COL28A1: variants seen among roughly 807,000 people sequenced by gnomAD.
COL28A1 encodes collagen type XXVIII alpha 1 chain.
In COL28A1, 161 loss-of-function variants were observed where a neutral mutation model predicts 150.2. The observed-to-expected ratio is 1.07, with a 90% CI of 0.94 to 1.22. The LOEUF (loss-of-function observed/expected upper bound fraction) is 1.22. Among genes scored for constraint, COL28A1 ranks in the 50% most tolerant of loss-of-function variants. The probability of loss-of-function intolerance (pLI) is 0.00; values close to 1 mark genes in which losing one functional copy is unlikely to be tolerated. For synonymous variants in COL28A1, 552 were observed against 469.7 expected (o/e 1.18, Z -2.26); for missense variants, 1,617 against 1,388.3 (o/e 1.16, Z -2.62).
At chr7:7,423,276 G>A (rs1784476675) in intron 25 of COL28A1, among the ~76,000 whole-genome samples, 2 of 152,162 alleles carry the variant, frequency 1.3e-5, no homozygotes, top group Non-Finnish European at 2.9e-5. Flanking sequence ...TTAAGGAAGT[G>A]TGATATGTAA....
At chr7:7,439,776 C>T (rs998917681) in intron 21 of COL28A1, among the ~76,000 whole-genome samples, 1 of 152,174 alleles carries the variant, frequency 6.6e-6, no homozygotes, top group Non-Finnish European at 1.5e-5. Context: ...ACTTGAGAAG[C>T]ACAGATTCCT....
chr7:7,374,024 T>TAA (rs1188442971), intron 31 of COL28A1, among the ~76,000 whole-genome samples: 103 of 116,322 alleles, frequency 8.9e-4, no homozygotes, highest in East Asian at 9.0e-4. Flanking sequence ...ACTTGACTCT[T>TAA]AAAAAAAAAA....
intron 23 of COL28A1, among the ~76,000 whole-genome samples, chr7:7,433,877 TG>T (rs1785160004): frequency 6.6e-6 from 1 of 152,182 alleles, no homozygotes; most frequent in Non-Finnish European, 1.5e-5. Context: ...ACCTTTGTTT[TG>T]CAAGAATGGA....
intron 15 of COL28A1, among the ~76,000 whole-genome samples, chr7:7,461,139 C>G (rs561826815): frequency 6.6e-6 from 1 of 152,288 alleles, no homozygotes; most frequent in South Asian, 2.1e-4. Flanking sequence ...ACACATACCC[C>G]CACTGGGGAA....
intron 13 of COL28A1, among the ~76,000 whole-genome samples, chr7:7,484,743 A>G (rs925793644): frequency 6.6e-6 from 1 of 152,208 alleles, no homozygotes; most frequent in African/African-American, 2.4e-5. Flanking sequence ...ATGCCCATCA[A>G]TAGTAGACTG....
chr7:7,421,264 C>T (rs2128308686), intron 25 of COL28A1, among the ~76,000 whole-genome samples: 1 of 152,122 alleles, frequency 6.6e-6, no homozygotes, highest in South Asian at 2.1e-4. Flanking sequence ...TCTATAGAAA[C>T]AAAAAGTAGA....
intron 1 of COL28A1, among the ~76,000 whole-genome samples, 198 bp downstream of exon 1, chr7:7,535,552 T>C (rs1035989853): frequency 2.6e-5 from 4 of 151,924 alleles, no homozygotes; most frequent in Non-Finnish European, 5.9e-5. Flanking sequence ...CATTTCAAAA[T>C]AATTTTAAGT....
At chr7:7,434,846 T>G (rs1176830440) in intron 23 of COL28A1, among the ~76,000 whole-genome samples, 1 of 152,200 alleles carries the variant, frequency 6.6e-6, no homozygotes, top group African/African-American at 2.4e-5. Flanking sequence ...GTTATTTACT[T>G]CAAAGTGTTT....
chr7:7,428,857 T>A (rs1021405626), intron 25 of COL28A1, among the ~76,000 whole-genome samples: 7 of 152,232 alleles, frequency 4.6e-5, no homozygotes, highest in African/African-American at 1.7e-4. Flanking sequence ...CTTGCCGAAT[T>A]TGAATTAAAT....
intron 34 of COL28A1, 22 bp downstream of exon 34, chr7:7,360,368 C>G: frequency 6.6e-7 from 1 of 1,526,330 alleles, no homozygotes; most frequent in Non-Finnish European, 8.7e-7. Flanking sequence ...CAAAATGGGA[C>G]TTGGAGTTCT....
chr7:7,429,187 T>C (rs1014127703), intron 25 of COL28A1, among the ~76,000 whole-genome samples: 3 of 152,112 alleles, frequency 2.0e-5, no homozygotes, highest in African/African-American at 7.2e-5. Flanking sequence ...GAAAAACATA[T>C]CAGGATCCAT....
the COL28A1 span, among the ~76,000 whole-genome samples, chr7:7,349,266 C>G: frequency 0.03 from 4,572 of 152,100 alleles, 235 homozygotes; most frequent in African/African-American, 0.11. Context: ...AGTTTATTAG[C>G]ACCTATTTAC....
chr7:7,530,507 C>A (rs749506225), intron 3 of COL28A1, among the ~76,000 whole-genome samples: 2 of 152,186 alleles, frequency 1.3e-5, no homozygotes, highest in African/African-American at 2.4e-5. Flanking sequence ...GCCTTCCTTT[C>A]TCAGGAAATC....
rs760422149 is a variant in COL28A1, at chr7:7,452,345, C to G, written c.1483G>C (p.Val495Leu). The stretch of plus-strand genomic sequence containing the variant: ...TTTGGACCTTGTACTCCAATTCCCA[C>G]TGGTCCTCGAGGGCCTGTAGGTCCC... ...QMGPTGPRGPVGIGVQGPKGE... is the reference protein window; with the variant it reads ...QMGPTGPRGPLGIGVQGPKGE... The change falls in exon 18 of 35, where the codon GTG (valine) becomes CTG (leucine). Residue 495 changes from valine (V) to leucine (L), a missense_variant. Coordinates refer to ENST00000399429, the MANE Select transcript of COL28A1 (RefSeq NM_001037763.3). 1.6e-5 allele frequency: 25 copies of G among 1,606,810 alleles called. No individual in the cohort carries two copies. Among genetic ancestry groups the G allele is most frequent in the East Asian group, 2.2e-5 (1 of 44,694 alleles).
At chr7:7,533,017 G>C in intron 1 of COL28A1, 105 bp from the exon 2 acceptor site, 2 of 1,206,664 alleles carry the variant, frequency 1.7e-6, no homozygotes, top group Non-Finnish European at 2.1e-6. Flanking sequence ...CTGGAAAAAA[G>C]AGGTTTTCAT....
At chr7:7,512,879 T>C (rs1781224169) in intron 8 of COL28A1, among the ~76,000 whole-genome samples, 1 of 152,200 alleles carries the variant, frequency 6.6e-6, no homozygotes, top group Admixed American at 6.5e-5. Context: ...TCTGTACTGC[T>C]CTAGGGCATG....
In COL28A1 at chr7:7,358,293, C is replaced by T. The variant is rs1292729444; in HGVS notation, c.*340G>A. The T allele has an allele frequency of 5.5e-6, 1 of 181,560 alleles. No individual in the cohort carries two copies. Among genetic ancestry groups the T allele is most frequent in the African/African-American group, 2.4e-5 (1 of 42,122 alleles). 11.2% of individuals were successfully genotyped at this position (181,560 alleles called of 1,614,324 possible). Reference sequence around the variant, plus strand: ...GGTAGGGGTTTGAGCTGACATAGTACATACAACAGGAATTAAAGGAATCAG... The same window carrying T: ...GGTAGGGGTTTGAGCTGACATAGTATATACAACAGGAATTAAAGGAATCAG... On this transcript the variant is annotated 3_prime_UTR_variant, in exon 35 of 35. Transcript: ENST00000399429.
Position 7,474,657 on chromosome 7 carries a change from A to G in COL28A1, c.1246T>C (p.Ser416Pro). ...CCCTGTGGGCCAGTTGGTCCTTCAG[A>G]ACCTTTTTCACCCTGAAAGTACAAG... ...GFPGPKGEKGSEGPTGPQGLQ... is the reference protein window; with the variant it reads ...GFPGPKGEKGPEGPTGPQGLQ... Residue 416 changes from serine (S) to proline (P), a missense_variant, in exon 15 of 35, where the codon TCT becomes CCT. Coordinates refer to ENST00000399429, the MANE Select transcript of COL28A1 (RefSeq NM_001037763.3). The G allele has an allele frequency of 7.1e-7, 1 of 1,400,348 alleles. No individual in the cohort carries two copies. Among genetic ancestry groups the G allele is most frequent in the Non-Finnish European group, 1.0e-6 (1 of 984,994 alleles). 86.7% of individuals were successfully genotyped at this position (1,400,348 alleles called of 1,614,324 possible). A position where few individuals can be genotyped will look rare whatever the true frequency, so the allele number is the denominator to read the frequency against.
Position 7,432,543 on chromosome 7 carries a change from T to A in COL28A1, c.1930-2A>T. The A allele has an allele frequency of 6.2e-7, 1 of 1,613,850 alleles. No homozygotes were observed. The highest frequency in any genetic ancestry group is 8.5e-7 in the Non-Finnish European group (1 of 1,179,860). On this transcript the variant is annotated splice_acceptor_variant, in intron 24 of 34. Coordinates refer to ENST00000399429, the MANE Select transcript of COL28A1 (RefSeq NM_001037763.3). LOFTEE classifies it high-confidence loss of function. ...GGGTCCTGGTAATCCACGAGGTCCC[T>A]GAGATGACACAGTAAGGGAGGGAGT... is the stretch of plus-strand genomic sequence containing the variant.
Sources: allele counts gnomAD v4.1 joint callset (sites outside exome capture counted in the v4.1 genomes callset), GRCh38; gene constraint gnomAD v4.1.1; transcripts MANE v1.5; gene names NCBI Gene and HGNC (gene_info 2026-07-23, HGNC 2026-07-21).